The following CACNA2D3 variants were observed in gnomAD, a reference collection of about 807,000 sequenced individuals.
CACNA2D3 encodes voltage-dependent calcium channel subunit alpha-2/delta-3.
In CACNA2D3, 60 loss-of-function variants were observed where a neutral mutation model predicts 160.6. The ratio of observed to expected loss-of-function variants is 0.37; its 90% CI spans 0.30 to 0.46. CACNA2D3 has a LOEUF of 0.46. CACNA2D3 is among the 20% of genes least tolerant of loss of function. CACNA2D3 has a pLI of 1.00. For missense variants in CACNA2D3, 1,205 were observed against 1,365.0 expected, an observed-to-expected ratio of 0.88 and a Z score of 1.85; for synonymous variants, 558 against 492.9, an observed-to-expected ratio of 1.13 and a Z score of -1.75.
At chr3:54,250,042 G>T (rs140014579) in intron 2 of CACNA2D3, among the ~76,000 whole-genome samples, 1 of 152,102 alleles carries the variant, frequency 6.6e-6, no homozygotes, top group Non-Finnish European at 1.5e-5. Context: ...TGTGCTTTTC[G>T]TGTGAAGTCT....
At chr3:54,870,672 C>T (rs1223178381) in intron 17 of CACNA2D3, among the ~76,000 whole-genome samples, 1 of 152,188 alleles carries the variant, frequency 6.6e-6, no homozygotes, top group African/African-American at 2.4e-5. Flanking sequence ...ACTAAAACCA[C>T]TTCCCCAGTT....
Position 54,899,865 on chromosome 3 carries a change from G to A in CACNA2D3, c.2446G>A (p.Ala816Thr). 6.3e-7 allele frequency: 1 copy of A among 1,592,688 alleles called. No individual in the cohort carries two copies. Among genetic ancestry groups the A allele is most frequent in the East Asian group, 2.3e-5 (1 of 44,346 alleles). ...LLDERKSPVV[A>T]AVGIQMKLEF... is the part of the protein sequence containing the mutation. ...GGATGAACGGAAATCTCCTGTGGTG[G>A]CAGGTAAATAATTGATTGAATCCAT... Residue 816 changes from alanine (A) to threonine (T), a missense_variant, in exon 27 of 38, where the codon GCA (alanine) becomes ACA (threonine). Coordinates refer to ENST00000474759, the MANE Select transcript of CACNA2D3 (RefSeq NM_018398.3).
intron 3 of CACNA2D3, among the ~76,000 whole-genome samples, chr3:54,348,482 A>C (rs565720330): frequency 9.7e-4 from 147 of 152,290 alleles, no homozygotes; most frequent in African/African-American, 3.4e-3. Flanking sequence ...ATTGTGTTTC[A>C]AGTTAGAAAA....
At chr3:54,274,055 G>A (rs62253194) in intron 2 of CACNA2D3, among the ~76,000 whole-genome samples, 1 of 152,048 alleles carries the variant, frequency 6.6e-6, no homozygotes, top group African/African-American at 2.4e-5. Flanking sequence ...GTATACTACA[G>A]TGTGTCTTTG....
rs76724265 is a variant in CACNA2D3, at chr3:55,019,687, A to T, written c.2987+1370A>T. 1.3e-3 allele frequency among the ~76,000 whole-genome samples: 201 copies of T among 152,236 alleles called. No individual in the cohort carries two copies. In the East Asian group the frequency reaches 0.036, roughly 27 times the overall value. ...GGATGCTCTTGGACTTTTTGCATGG[A>T]CAGTAATATCATTTGTGAAACATTT... On this transcript the variant is annotated intron_variant, in intron 35 of 37. Coordinates refer to ENST00000474759, the MANE Select transcript of CACNA2D3 (RefSeq NM_018398.3).
chr3:54,375,377 G>A (rs1243651163), intron 3 of CACNA2D3, among the ~76,000 whole-genome samples: 1 of 152,062 alleles, frequency 6.6e-6, no homozygotes, highest in Non-Finnish European at 1.5e-5. Context: ...TTGTCCAACT[G>A]CATTTTGAGC....
At chr3:54,615,069 C>T (rs1698822223) in intron 9 of CACNA2D3, among the ~76,000 whole-genome samples, 1 of 152,198 alleles carries the variant, frequency 6.6e-6, no homozygotes, top group Non-Finnish European at 1.5e-5. Context: ...CAATTTTCTT[C>T]TACAAGTGGT....
At chr3:54,870,195 T>A (rs944978526) in intron 17 of CACNA2D3, among the ~76,000 whole-genome samples, 1 of 152,122 alleles carries the variant, frequency 6.6e-6, no homozygotes, top group African/African-American at 2.4e-5. Flanking sequence ...CTTCTGGCCC[T>A]CCCCTCATCC....
intron 13 of CACNA2D3, among the ~76,000 whole-genome samples, chr3:54,810,147 C>G (rs1344305297): frequency 6.6e-6 from 1 of 152,086 alleles, no homozygotes; most frequent in African/African-American, 2.4e-5. Flanking sequence ...CATTAACCAA[C>G]CAGAGGAAAG....
intron 34 of CACNA2D3, among the ~76,000 whole-genome samples, chr3:55,013,882 C>G (rs1355916236): frequency 6.6e-6 from 1 of 152,156 alleles, no homozygotes; most frequent in African/African-American, 2.4e-5. Flanking sequence ...GTCAGTTTTT[C>G]TCATCAGGGA....
chr3:54,331,824 T>G (rs919352727), intron 3 of CACNA2D3, among the ~76,000 whole-genome samples: 3 of 152,212 alleles, frequency 2.0e-5, no homozygotes, highest in Admixed American at 2.0e-4. Flanking sequence ...TCTATTTGTT[T>G]TGTTGTCTGT....
rs80173779 is a variant in CACNA2D3, at chr3:54,585,293, T to C, written c.963+3416T>C. Among the ~76,000 whole-genome samples the C allele has an allele frequency of 1.1e-4, 16 of 152,250 alleles. No individual in the cohort carries two copies. The East Asian group carries it at 2.9e-3, about 28-fold the overall frequency. Reference sequence around the variant, plus strand: ...GGTTTCTATACTTCAGTGGAAATGGTAAATACTGATATGAGTAGACAGTAA... The same window carrying C: ...GGTTTCTATACTTCAGTGGAAATGGCAAATACTGATATGAGTAGACAGTAA... On this transcript the variant is annotated intron_variant, in intron 9 of 37. Coordinates refer to ENST00000474759, the MANE Select transcript of CACNA2D3 (RefSeq NM_018398.3).
intron 4 of CACNA2D3, among the ~76,000 whole-genome samples, chr3:54,500,606 C>T (rs1173963338): frequency 6.8e-6 from 1 of 147,400 alleles, no homozygotes; most frequent in Non-Finnish European, 1.5e-5. Flanking sequence ...CTTTTTCTTT[C>T]CTTATTTCTT....
intron 35 of CACNA2D3, among the ~76,000 whole-genome samples, chr3:55,058,924 T>C (rs576111642): frequency 1.3e-5 from 2 of 152,198 alleles, no homozygotes; most frequent in South Asian, 4.2e-4. Flanking sequence ...ATACTTCCCC[T>C]CCCCGCCGCC....
At chr3:54,928,331 A>C (rs1701087435) in intron 27 of CACNA2D3, among the ~76,000 whole-genome samples, 1 of 152,158 alleles carries the variant, frequency 6.6e-6, no homozygotes, top group South Asian at 2.1e-4. Flanking sequence ...CAGGGCACCA[A>C]AATAAAACTG....
intron 13 of CACNA2D3, among the ~76,000 whole-genome samples, chr3:54,773,677 T>C (rs1056652859): frequency 2.0e-4 from 31 of 152,236 alleles, no homozygotes; most frequent in African/African-American, 7.5e-4. Flanking sequence ...ATTACTGTTA[T>C]GATTATTTTT....
At chr3:54,584,327 A>G (rs550286669) in intron 9 of CACNA2D3, among the ~76,000 whole-genome samples, 1 of 152,334 alleles carries the variant, frequency 6.6e-6, no homozygotes, top group East Asian at 1.9e-4. Context: ...AAATCTCCCA[A>G]AGGAATAGAA....
chr3:54,965,255 G>T (rs765636476), intron 27 of CACNA2D3, among the ~76,000 whole-genome samples: 1 of 152,172 alleles, frequency 6.6e-6, no homozygotes, highest in Non-Finnish European at 1.5e-5. Flanking sequence ...TACTCTTGAA[G>T]CTTTGGCCTG....
At chr3:54,421,075 TATCCATG>T (rs1245167329) in intron 4 of CACNA2D3, among the ~76,000 whole-genome samples, 1 of 152,194 alleles carries the variant, frequency 6.6e-6, no homozygotes, top group African/African-American at 2.4e-5. Flanking sequence ...CCCTCTACAA[TATCCATG>T]ATGCTCTTTC....
Sources: gnomAD v4.1 joint callset for allele counts (sites outside exome capture counted in the v4.1 genomes callset) on GRCh38, gnomAD v4.1.1 for gene constraint, MANE v1.5 for transcripts, NCBI Gene and HGNC (gene_info 2026-07-23, HGNC 2026-07-21) for gene names.